The following HSPA8 variants were observed in gnomAD, a reference collection of about 807,000 sequenced individuals.
HSPA8 encodes heat shock protein family A (Hsp70) member 8.
In HSPA8, 2 loss-of-function variants were observed where a neutral mutation model predicts 52.8. The ratio of observed to expected loss-of-function variants is 0.04; its 90% CI spans 0.02 to 0.12. HSPA8 has a LOEUF of 0.12. HSPA8 is among the 10% of genes least tolerant of loss of function. HSPA8 has a pLI of 1.00. For missense variants in HSPA8, 349 were observed against 800.5 expected (o/e 0.44, Z 6.81); for synonymous variants, 436 against 274.0 (o/e 1.59, Z -5.84).
In HSPA8 at chr11:123,062,054, G is replaced by A. The variant is rs543560638; in HGVS notation, c.-6+10C>T. On this transcript the variant is annotated intron_variant, in intron 1 of 8. Coordinates refer to ENST00000534624, the MANE Select transcript of HSPA8 (RefSeq NM_006597.6). ...AGACCCACAACCCAACTCTTGAGCA[G>A]AGGTTTTACCTGGGGTGTAGGCCTG... 3 of 152,678 alleles carry A rather than the reference G, an allele frequency of 2.0e-5. No individual in the cohort carries two copies. Among genetic ancestry groups the A allele is most frequent in the South Asian group, 2.0e-4 (1 of 4,906 alleles). The allele number at this position is 152,678 out of a possible 1,614,324, so 9.5% of individuals were successfully genotyped here.
At chr11:123,059,009 T>C in intron 6 of HSPA8, 50 bp downstream of exon 6, 1 of 1,530,914 alleles carries the variant, frequency 6.5e-7, no homozygotes, top group Non-Finnish European at 9.0e-7. Flanking sequence ...AGTCAAGACT[T>C]CCCTTTATCT....
At position 123,057,904 on chromosome 11, in the gene HSPA8, C is replaced by T; in HGVS notation, c.1771G>A (p.Glu591Lys). Reference protein sequence around the residue: ...LDKNQTAEKEEFEHQQKELEK... With the variant: ...LDKNQTAEKEKFEHQQKELEK... ...AGCTCTTTCTGTTGATGTTCAAATT[C>T]TTCCTTCTCAGCAGTCTGAGGAAGA... Residue 591 changes from glutamate to lysine, a missense_variant, in exon 9 of 9, where the codon GAA (glutamate) becomes AAA (lysine). By Grantham distance (56) the Glu-to-Lys change is moderately conservative (BLOSUM62 1). Coordinates refer to ENST00000534624, the MANE Select transcript of HSPA8 (RefSeq NM_006597.6). 5 of 1,609,416 alleles carry T rather than the reference C, an allele frequency of 3.1e-6. No individual in the cohort carries two copies. Among genetic ancestry groups the T allele is most frequent in the Non-Finnish European group, 3.4e-6 (4 of 1,178,420 alleles).
rs1865342786 is a variant in HSPA8 at position 123,057,600 on chromosome 11, T to G, written c.*134A>C. The G allele has an allele frequency of 1.6e-6, 1 of 620,092 alleles. No individual in the cohort carries two copies. Among genetic ancestry groups the G allele is most frequent in the African/African-American group, 1.9e-5 (1 of 53,482 alleles). The allele number at this position is 620,092 out of a possible 1,614,324, so 38.4% of individuals were successfully genotyped here. A position where few individuals can be genotyped will look rare whatever the true frequency, so the allele number is the denominator to read the frequency against. ...CCTTCCCCTGTGCATATGTTCCATATTCAAGTATTGAGAATGCCCAGTAAC... is the reference window on the plus strand; with the variant it reads ...CCTTCCCCTGTGCATATGTTCCATAGTCAAGTATTGAGAATGCCCAGTAAC... On this transcript the variant is annotated 3_prime_UTR_variant, in exon 9 of 9. Coordinates refer to ENST00000534624, the MANE Select transcript of HSPA8 (RefSeq NM_006597.6).
intron 2 of HSPA8, 25 bp from the exon 3 acceptor site, chr11:123,060,823 A>T: frequency 1.5e-6 from 2 of 1,377,760 alleles, no homozygotes; most frequent in East Asian, 2.3e-5. Context: ...AAATGAAAAC[A>T]CTTTCAATTT....
Position 123,058,610 on chromosome 11 carries a change from CCA to C in HSPA8, c.1522+20_1522+21del. 1 of 1,598,644 alleles carries C rather than the reference CCA, an allele frequency of 6.3e-7. No individual in the cohort carries two copies. The highest frequency in any genetic ancestry group is 8.6e-7 in the Non-Finnish European group (1 of 1,166,574). On this transcript the variant is annotated intron_variant, in intron 7 of 8. Transcript: ENST00000534624. Reference sequence around the variant, plus strand: ...TGAAATACCATTATCCCTGTCAAGACCAGATGACAGTGCCTCCTTACCCTTGT... The same window carrying C: ...TGAAATACCATTATCCCTGTCAAGACGATGACAGTGCCTCCTTACCCTTGT...
In HSPA8 at chr11:123,059,717, G is replaced by A. The variant is rs766515357; in HGVS notation, c.876C>T (p.Asp292=). ...GGGCACGGGTAATGGAGGTATAGAA[G>A]TCGATTCCTTCATAGAGAGAATCGA... The part of the protein sequence containing the change: ...IEIDSLYEGI[D]FYTSITRARF... Residue 292 remains aspartate (D), a synonymous_variant, in exon 5 of 9, where the codon GAC becomes GAT. Coordinates refer to ENST00000534624, the MANE Select transcript of HSPA8 (RefSeq NM_006597.6). The A allele has an allele frequency of 5.6e-6, 9 of 1,613,774 alleles. No homozygotes were observed. The highest frequency in any genetic ancestry group is 7.6e-6 in the Non-Finnish European group (9 of 1,179,698).
Position 123,059,546 on chromosome 11 carries a change from A to G in HSPA8, c.1047T>C (p.Leu349=). 6.2e-7 allele frequency: 1 copy of G among 1,614,084 alleles called. No homozygotes were observed. The highest frequency in any genetic ancestry group is 1.1e-5 in the South Asian group (1 of 91,082). ...CTTTTCCATTGAAGAAGTCTTGGAG[A>G]AGCTTCTGAATCTTGGGGATACGAG... ...GSTRIPKIQK[L]LQDFFNGKEL... is the part of the protein sequence containing the mutation. Residue 349 remains leucine, a synonymous_variant, in exon 5 of 9, where the codon CTT becomes CTC. Coordinates refer to ENST00000534624, the MANE Select transcript of HSPA8 (RefSeq NM_006597.6).
Position 123,059,123 on chromosome 11 carries a change from ATGGTGG to A in HSPA8, c.1253_1258del (p.Thr418_Thr419del). On this transcript the variant is annotated inframe_deletion, in exon 6 of 9. Transcript: ENST00000534624. The stretch of plus-strand genomic sequence containing the variant: ...GAAGGTCTGTGTCTGCTTGGTAGGA[ATGGTGG>A]TATTACGCTTGATGAGGACAGTCAT... 1 of 1,612,222 alleles carries A rather than the reference ATGGTGG, an allele frequency of 6.2e-7. No individual in the cohort carries two copies. Among genetic ancestry groups the A allele is most frequent in the Non-Finnish European group, 8.5e-7 (1 of 1,179,998 alleles).
Position 123,059,114 on chromosome 11 carries a change from T to C in HSPA8, c.1268A>G (p.Lys423Arg), listed in dbSNP as rs1865412483. The C allele has an allele frequency of 6.2e-7, 1 of 1,612,186 alleles. No homozygotes were observed. The highest frequency in any genetic ancestry group is 1.1e-5 in the South Asian group (1 of 91,004). Residue 423 changes from lysine to arginine, a missense_variant, in exon 6 of 9, where the codon AAG becomes AGG. Lys to Arg is a conservative substitution (Grantham distance 26, BLOSUM62 2). Coordinates refer to ENST00000534624, the MANE Select transcript of HSPA8 (RefSeq NM_006597.6). Reference protein sequence around the residue: ...LIKRNTTIPTKQTQTFTTYSD... With the variant: ...LIKRNTTIPTRQTQTFTTYSD... ...ATAGGTAGTGAAGGTCTGTGTCTGC[T>C]TGGTAGGAATGGTGGTATTACGCTT... is the stretch of plus-strand genomic sequence containing the variant.
At chr11:123,058,213 T>G in intron 8 of HSPA8, 39 bp downstream of exon 8, 31 of 1,225,044 alleles carry the variant, frequency 2.5e-5, no homozygotes, top group African/African-American at 3.5e-5. Flanking sequence ...TTCCCCTCCA[T>G]TGAGTGGGGG....
At chr11:123,060,862 A>C (rs60104917) in intron 2 of HSPA8, 64 bp from the exon 3 acceptor site, 1 of 1,428,546 alleles carries the variant, frequency 7.0e-7, no homozygotes, top group Admixed American at 1.7e-5. Context: ...ACTCAAGTCC[A>C]TGATTACTCA....
chr11:123,060,063 T>C (rs370535447), intron 4 of HSPA8, 35 bp from the exon 5 acceptor site: 99 of 1,613,938 alleles, frequency 6.1e-5, no homozygotes, highest in South Asian at 5.7e-4. Context: ...AAATTTACGA[T>C]GGATCAAATT....
rs1348746226 is a variant in HSPA8, at chr11:123,058,935, G to A, written c.1324-105C>T. ...CGCTCAAACATCCAAGGAAGGAACTGGCCAACATAAGACTTTCTGGTGGAA... is the reference window on the plus strand; with the variant it reads ...CGCTCAAACATCCAAGGAAGGAACTAGCCAACATAAGACTTTCTGGTGGAA... On this transcript the variant is annotated intron_variant, in intron 6 of 8. Coordinates refer to ENST00000534624, the MANE Select transcript of HSPA8 (RefSeq NM_006597.6). 7.9e-6 allele frequency: 11 copies of A among 1,392,572 alleles called. No individual in the cohort carries two copies. The African/African-American group carries it at 8.5e-5, about 11-fold the overall frequency. The allele number at this position is 1,392,572 out of a possible 1,614,324, so 86.3% of individuals were successfully genotyped here. A position where few individuals can be genotyped will look rare whatever the true frequency, so the allele number is the denominator to read the frequency against.
At position 123,059,648 on chromosome 11, in the gene HSPA8, G is replaced by C. The variant is rs1591437862; in HGVS notation, c.945C>G (p.Asp315Glu). Reference protein sequence around the residue: ...LNADLFRGTLDPVEKALRDAK... With the variant: ...LNADLFRGTLEPVEKALRDAK... ...CATCTCGAAGGGCTTTCTCTACTGG[G>C]TCCAGGGTGCCACGGAACAGGTCAG... The change falls in exon 5 of 9, where the codon GAC becomes GAG. Residue 315 changes from aspartate to glutamate, a missense_variant. Physicochemically the swap from Asp to Glu is conservative, Grantham distance 45. Coordinates refer to ENST00000534624, the MANE Select transcript of HSPA8 (RefSeq NM_006597.6). 1 of 1,614,094 alleles carries C rather than the reference G, an allele frequency of 6.2e-7. No homozygotes were observed. The highest frequency in any genetic ancestry group is 8.5e-7 in the Non-Finnish European group (1 of 1,180,010).
In HSPA8 at chr11:123,058,234, A is replaced by AAC. The variant is rs1328963669; in HGVS notation, c.1755+17_1755+18insGT. The AAC allele has an allele frequency of 6.8e-7, 1 of 1,480,998 alleles. No homozygotes were observed. Among genetic ancestry groups the AAC allele is most frequent in the Non-Finnish European group, 9.3e-7 (1 of 1,076,758 alleles). The allele number at this position is 1,480,998 out of a possible 1,614,324, so 91.7% of individuals were successfully genotyped here. The stretch of plus-strand genomic sequence containing the variant: ...TCCATTGAGTGGGGGAGGAAAAAAA[A>AAC]AAAAAAAAAACACAAACCTGATTCT... On this transcript the variant is annotated intron_variant, in intron 8 of 8. Coordinates refer to ENST00000534624, the MANE Select transcript of HSPA8 (RefSeq NM_006597.6).
chr11:123,062,030 G>A (rs571488666), intron 1 of HSPA8, 34 bp downstream of exon 1: 1 of 153,100 alleles, frequency 6.5e-6, no homozygotes, highest in East Asian at 1.9e-4. Flanking sequence ...CACGCTCCCA[G>A]ACCCACAACC....
At position 123,060,542 on chromosome 11, in the gene HSPA8, C is replaced by T. The variant is rs115066298; in HGVS notation, c.411+51G>A. On this transcript the variant is annotated intron_variant, in intron 3 of 8. Coordinates refer to ENST00000534624, the MANE Select transcript of HSPA8 (RefSeq NM_006597.6). ...AGGTGCCAGTGCCCCCGGGAGTCAT[C>T]GGGCTTTTAACTACTCCGGAATGCA... The T allele has an allele frequency of 1.8e-4, 247 of 1,386,000 alleles. 1 individual carries two copies. In the African/African-American group the frequency reaches 2.0e-3, roughly 11 times the overall value. The allele number at this position is 1,386,000 out of a possible 1,614,324, so 85.9% of individuals were successfully genotyped here. A position where few individuals can be genotyped will look rare whatever the true frequency, so the allele number is the denominator to read the frequency against.
In HSPA8 at chr11:123,058,493, G is replaced by T. The variant is rs77374206; in HGVS notation, c.1523-9C>A. 38,783 of 1,611,890 alleles carry T rather than the reference G, an allele frequency of 0.024. 592 individuals are homozygous for T. Among genetic ancestry groups the T allele is most frequent in the African/African-American group, 0.071 (5,356 of 74,938 alleles). ...TTCCTTGCTCAAACGGCCTAGGAAA[G>T]AAATTAACTCTAAGTAAAAGCCTTA... On this transcript the variant is annotated splice_polypyrimidine_tract_variant and intron_variant, in intron 7 of 8. Transcript: ENST00000534624.
chr11:123,058,181 T>A, intron 8 of HSPA8, 71 bp downstream of exon 8: 2 of 978,634 alleles, frequency 2.0e-6, no homozygotes, highest in Non-Finnish European at 1.6e-6. Flanking sequence ...GAAATCCAGC[T>A]CAAGCTTGGT....
Sources: allele counts gnomAD v4.1 joint callset, GRCh38; gene constraint gnomAD v4.1.1; transcripts MANE v1.5; gene names NCBI Gene and HGNC (gene_info 2026-07-23, HGNC 2026-07-21).